The following NCOR2 variants were observed in gnomAD, a reference collection of about 807,000 sequenced individuals.
NCOR2 encodes the protein CTG repeat protein 26.
A neutral mutation model predicts 262.9 loss-of-function variants in NCOR2; 81 were observed. The ratio of observed to expected loss-of-function variants is 0.31; its 90% CI spans 0.26 to 0.37. The LOEUF is 0.37. Among genes scored for constraint, NCOR2 ranks in the 10% least tolerant of loss-of-function variants. The pLI, the probability that NCOR2 is intolerant of heterozygous loss-of-function variation, is 1.00. For missense variants in NCOR2, 3,385 were observed against 3,621.4 expected, an observed-to-expected ratio of 0.93 and a Z score of 1.68; for synonymous variants, 1,659 against 1,559.3, an observed-to-expected ratio of 1.06 and a Z score of -1.51.
At chr12:124,526,257 G>T (rs1478960463) in intron 1 of NCOR2, among the ~76,000 whole-genome samples, 2 of 152,126 alleles carry the variant, frequency 1.3e-5, no homozygotes, top group African/African-American at 2.4e-5. Flanking sequence ...GACAGTGAGG[G>T]GCAGGGAGAG....
chr12:124,385,397 G>C (rs143053495), intron 17 of NCOR2, among the ~76,000 whole-genome samples: 1 of 152,284 alleles, frequency 6.6e-6, no homozygotes, highest in Non-Finnish European at 1.5e-5. Context: ...CTGACAGCCC[G>C]AATTCCTGGC....
At position 124,457,282 on chromosome 12, in the gene NCOR2, G is replaced by T; in HGVS notation, c.706-120C>A. 1 of 1,136,868 alleles carries T rather than the reference G, an allele frequency of 8.8e-7. No individual in the cohort carries two copies. Among genetic ancestry groups the T allele is most frequent in the Non-Finnish European group, 1.2e-6 (1 of 830,822 alleles). The allele number at this position is 1,136,868 out of a possible 1,614,324, so 70.4% of individuals were successfully genotyped here. On this transcript the variant is annotated intron_variant, in intron 5 of 46. Coordinates refer to ENST00000405201, the Ensembl canonical transcript of NCOR2. This position sits in a 1 kb window ranked among gnomAD's most constrained non-coding sequence, Gnocchi z 4.0. ...GCCCAGTCCAGCATGCTGATCCTCA[G>T]CACGGGGGAGGGAGGCCCGGGGCCC...
intron 5 of NCOR2, among the ~76,000 whole-genome samples, chr12:124,463,529 C>T (rs1185472459): frequency 3.3e-5 from 5 of 152,258 alleles, no homozygotes; most frequent in Admixed American, 1.3e-4. Flanking sequence ...CCTCGCTCAG[C>T]GGGTGCCTCA....
chr12:124,372,228 C>T (rs771934363), exon 20 of NCOR2: 41 of 1,600,438 alleles, frequency 2.6e-5, no homozygotes, highest in East Asian at 4.5e-5. Context: ...CGGCTTCCTC[C>T]GTGCACTCGC....
At chr12:124,458,146 C>T (rs2045978308) in intron 5 of NCOR2, among the ~76,000 whole-genome samples, 2 of 152,224 alleles carry the variant, frequency 1.3e-5, no homozygotes, top group South Asian at 4.1e-4. Flanking sequence ...GCGGACAGGC[C>T]GCAGAAGTCA....
At chr12:124,408,835 G>T (rs1190995059) in intron 13 of NCOR2, among the ~76,000 whole-genome samples, 1 of 152,176 alleles carries the variant, frequency 6.6e-6, no homozygotes, top group African/African-American at 2.4e-5. Context: ...CTGGCTACAT[G>T]GAGCTACGAA....
chr12:124,413,330 G>A (rs2042690014), intron 13 of NCOR2, among the ~76,000 whole-genome samples: 2 of 152,218 alleles, frequency 1.3e-5, no homozygotes, highest in African/African-American at 4.8e-5. Context: ...AGGCGCGGCT[G>A]ATCCCTTTAC....
chr12:124,352,810 G>A (rs1397199162), intron 27 of NCOR2, among the ~76,000 whole-genome samples: 1 of 152,198 alleles, frequency 6.6e-6, no homozygotes, highest in Admixed American at 6.5e-5. Context: ...TTTGCATAAC[G>A]TCTGCTTCCA....
chr12:124,351,471 C>T lies in NCOR2; in HGVS notation c.3694-734G>A, dbSNP rs186446048. Among the ~76,000 whole-genome samples the T allele has an allele frequency of 1.9e-3, 289 of 152,272 alleles. 2 individuals are homozygous for T. The highest frequency in any genetic ancestry group is 6.6e-3 in the African/African-American group (274 of 41,548). On this transcript the variant is annotated intron_variant, in intron 27 of 46. Coordinates refer to ENST00000405201, the Ensembl canonical transcript of NCOR2. ...AGGAGTACACGCCTCCCCAGTGTGTCCCCCACCAAGTTAGGACAATCGAAA... is the reference window on the plus strand; with the variant it reads ...AGGAGTACACGCCTCCCCAGTGTGTTCCCCACCAAGTTAGGACAATCGAAA...
intron 16 of NCOR2, among the ~76,000 whole-genome samples, chr12:124,397,159 G>A (rs773126706): frequency 3.0e-4 from 45 of 152,324 alleles, no homozygotes; most frequent in Non-Finnish European, 6.0e-4. Context: ...TGAGCGTGCC[G>A]TGGGAGCCAG....
intron 28 of NCOR2, chr12:124,348,748 C>T (rs796498886): frequency 2.1e-5 from 4 of 187,356 alleles, no homozygotes; most frequent in Non-Finnish European, 3.3e-5. Context: ...ACACGTGCAC[C>T]GATACATCAG....
In NCOR2 at chr12:124,427,103, G is replaced by A. The variant is rs373978347; in HGVS notation, c.1150-303C>T. ...GAATCTTCCCTTTGGAAATGCAAGC[G>A]CCATAAAGCACTGCAGGAAGGATGC... On this transcript the variant is annotated intron_variant, in intron 10 of 46. Transcript: ENST00000405201. Among the ~76,000 whole-genome samples, 29 of 152,262 alleles carry A rather than the reference G, an allele frequency of 1.9e-4. 1 individual carries two copies. In the South Asian group the frequency reaches 5.6e-3, roughly 29 times the overall value.
chr12:124,421,311 A>G (rs1014598552), intron 12 of NCOR2, among the ~76,000 whole-genome samples: 8 of 152,226 alleles, frequency 5.3e-5, no homozygotes, highest in Non-Finnish European at 1.5e-5. Context: ...ACTCCCCAGC[A>G]CAAAGACTTC....
At chr12:124,426,569 A>G in intron 11 of NCOR2, 53 bp downstream of exon 13, 1 of 1,505,660 alleles carries the variant, frequency 6.6e-7, no homozygotes, top group Non-Finnish European at 9.0e-7. Flanking sequence ...CGCAGGCCTC[A>G]ACAGGATGGG....
chr12:124,335,570 T>A, exon 39 of NCOR2: 1 of 1,609,526 alleles, frequency 6.2e-7, no homozygotes, highest in South Asian at 1.1e-5. Context: ...TGGGTCAGAC[T>A]GGGTGAGCTC....
chr12:124,369,184 C>G (rs568863463), intron 20 of NCOR2, among the ~76,000 whole-genome samples: 1 of 152,338 alleles, frequency 6.6e-6, no homozygotes, highest in Admixed American at 6.5e-5. Context: ...AGCACCCAGG[C>G]ACCTTCTCTG....
rs61934021 is a variant in NCOR2, at chr12:124,339,719, G to A, written c.5687+287C>T. 3.9e-4 allele frequency among the ~76,000 whole-genome samples: 18 copies of A among 46,560 alleles called. 1 individual carries two copies. Among genetic ancestry groups the A allele is most frequent in the Admixed American group, 7.7e-4 (3 of 3,886 alleles). The allele number at this position is 46,560 out of a possible 152,430, so 30.5% of individuals were successfully genotyped here. On this transcript the variant is annotated intron_variant, in intron 37 of 46. Transcript: ENST00000405201. ...TCCACCCATCCAACCAGCTAACCCAGCCATCTATCTTTCCACTGACCCACC... is the reference window on the plus strand; with the variant it reads ...TCCACCCATCCAACCAGCTAACCCAACCATCTATCTTTCCACTGACCCACC...
At chr12:124,522,463 G>C (rs930146297) in intron 1 of NCOR2, among the ~76,000 whole-genome samples, 2 of 152,138 alleles carry the variant, frequency 1.3e-5, no homozygotes, top group Non-Finnish European at 2.9e-5. Context: ...AGTGGCTCCT[G>C]GCGTTCCTTC....
At chr12:124,492,761 A>C (rs55759458) in intron 1 of NCOR2, among the ~76,000 whole-genome samples, 3,837 of 152,278 alleles carry the variant, frequency 0.025, 137 homozygotes, top group African/African-American at 0.086. Flanking sequence ...AGGGGCCTCC[A>C]GATCACAGCC....
Sources: gnomAD v4.1 joint callset for allele counts (sites outside exome capture counted in the v4.1 genomes callset) on GRCh38, gnomAD v4.1.1 for gene constraint, Gnocchi (gnomAD v3.1) non-coding constraint, MANE v1.5 for transcripts, NCBI Gene and HGNC (gene_info 2026-07-23, HGNC 2026-07-21) for gene names.